KLF11: variants seen among roughly 807,000 people sequenced by gnomAD.
KLF11 encodes Krueppel-like factor 11.
KLF11 carries 26 observed loss-of-function variants against 29.9 expected under a neutral mutation model. The observed-to-expected ratio is 0.87, with a 90% CI of 0.64 to 1.21. KLF11 has a LOEUF of 1.21. Among genes scored for constraint, KLF11 ranks in the 50% most tolerant of loss-of-function variants. The pLI is 0.00. For synonymous variants in KLF11, 318 were observed against 257.4 expected (o/e 1.24, Z -2.25); for missense variants, 778 against 665.7 (o/e 1.17, Z -1.86).
rs1041703621 is a variant in KLF11, at chr2:10,051,878, T to G, written c.1259-349T>G. ...TGGTAAAGATTGGGTTTTACTTTGTTGCCCAGGCTAGTCTGGAACTCCTGT... is the reference window on the plus strand; with the variant it reads ...TGGTAAAGATTGGGTTTTACTTTGTGGCCCAGGCTAGTCTGGAACTCCTGT... On this transcript the variant is annotated intron_variant, in intron 3 of 3. Transcript: ENST00000305883. Among the ~76,000 whole-genome samples the G allele has an allele frequency of 4.6e-5, 7 of 152,338 alleles. 1 individual carries two copies. The highest frequency in any genetic ancestry group is 1.7e-4 in the African/African-American group (7 of 41,572).
Position 10,053,627 on chromosome 2 carries a change from A to G in KLF11, c.*1120A>G. 2.6e-6 allele frequency: 1 copy of G among 391,166 alleles called. No individual in the cohort carries two copies. Among genetic ancestry groups the G allele is most frequent in the Non-Finnish European group, 4.5e-6 (1 of 221,564 alleles). The allele number at this position is 391,166 out of a possible 1,614,324, so 24.2% of individuals were successfully genotyped here. ...GCAAGTTACGCTAAATGGCAGTAATACTACCCAACTGCCTTTCTGTTCATT... is the reference window on the plus strand; with the variant it reads ...GCAAGTTACGCTAAATGGCAGTAATGCTACCCAACTGCCTTTCTGTTCATT... On this transcript the variant is annotated 3_prime_UTR_variant, in exon 4 of 4. Coordinates refer to ENST00000305883, the MANE Select transcript of KLF11 (RefSeq NM_003597.5).
chr2:10,048,739 C>T (rs995461990), intron 3 of KLF11, 144 bp downstream of exon 3: 9 of 719,116 alleles, frequency 1.3e-5, no homozygotes, highest in African/African-American at 8.7e-5. Flanking sequence ...CTGAAAAGCC[C>T]GCACAACCTT....
Position 10,046,197 on chromosome 2 carries a change from T to C in KLF11, c.90T>C (p.His30=), listed in dbSNP as rs146577005. The C allele has an allele frequency of 3.7e-6, 6 of 1,614,044 alleles. No homozygotes were observed. Among genetic ancestry groups the C allele is most frequent in the Non-Finnish European group, 5.1e-6 (6 of 1,180,044 alleles). Residue 30 remains histidine (H), a synonymous_variant, in exon 2 of 4, where the codon CAT becomes CAC. Coordinates refer to ENST00000305883, the MANE Select transcript of KLF11 (RefSeq NM_003597.5). ...ICESILERKR[H]DSERSTCSIL... The stretch of plus-strand genomic sequence containing the variant: ...AGTCCATCCTGGAGAGGAAGCGGCA[T>C]GACAGCGAAAGGTCTACTTGCAGCA...
intron 3 of KLF11, among the ~76,000 whole-genome samples, chr2:10,050,093 C>A (rs1004031306): frequency 1.3e-5 from 2 of 152,336 alleles, no homozygotes; most frequent in South Asian, 4.1e-4. Context: ...CAAGTTGCTT[C>A]CATGTTTCCT....
Position 10,048,498 on chromosome 2 carries a change from CT to C in KLF11, c.1165del (p.Ser389ProfsTer81), listed in dbSNP as rs1553313748. 1 of 1,613,822 alleles carries C rather than the reference CT, an allele frequency of 6.2e-7. No individual in the cohort carries two copies. Among genetic ancestry groups the C allele is most frequent in the East Asian group, 2.2e-5 (1 of 44,886 alleles). ...GCCAAAACTGTGTCCCTCAGGTAGACTTTTCCCGAAGGAGGAACTATGTATG... is the reference window on the plus strand; with the variant it reads ...GCCAAAACTGTGTCCCTCAGGTAGACTTTCCCGAAGGAGGAACTATGTATG... ...SSQNCVPQVD[F>X]SRRRNYVCSF... is the part of the protein sequence containing the mutation. On this transcript the variant is annotated frameshift_variant, in exon 3 of 4. Transcript: ENST00000305883. LOFTEE classifies it high-confidence loss of function.
intron 3 of KLF11, among the ~76,000 whole-genome samples, chr2:10,048,868 C>T (rs553168975): frequency 2.0e-5 from 3 of 148,812 alleles, no homozygotes; most frequent in Non-Finnish European, 4.4e-5. Context: ...GAGTGACTTA[C>T]AGTGCCCCCT....
intron 1 of KLF11, among the ~76,000 whole-genome samples, chr2:10,044,661 T>TA (rs1661124890): frequency 6.6e-6 from 1 of 151,116 alleles, no homozygotes; most frequent in African/African-American, 2.4e-5. Flanking sequence ...TTTTTTTTTT[T>TA]TTGATAGGGA....
rs1026529156 is a variant in KLF11 at position 10,043,751 on chromosome 2, C to T, written c.35C>T (p.Ala12Val). The T allele has an allele frequency of 1.4e-6, 2 of 1,382,584 alleles. No homozygotes were observed. Among genetic ancestry groups the T allele is most frequent in the Admixed American group, 2.3e-5 (1 of 43,106 alleles). The allele number at this position is 1,382,584 out of a possible 1,614,324, so 85.6% of individuals were successfully genotyped here. ...CCGGACTTCGCAGGCCCAGACGACG[C>T]GCGCGCAGTGAGTGGTGGGGCTGCC... ...HTPDFAGPDDARAVDIMDICE... is the reference protein window; with the variant it reads ...HTPDFAGPDDVRAVDIMDICE... Residue 12 changes from alanine (A) to valine (V), a missense_variant, in exon 1 of 4, where the codon GCG becomes GTG. By Grantham distance (64) the Ala-to-Val change is moderately conservative. Transcript: ENST00000305883.
intron 2 of KLF11, 73 bp from the exon 3 acceptor site, chr2:10,047,577 T>C: frequency 8.1e-7 from 1 of 1,240,766 alleles, no homozygotes. Context: ...GTAAAGGTAT[T>C]GGGAGCATTG....
At chr2:10,044,540 C>G in intron 1 of KLF11, 1 of 717,934 alleles carries the variant, frequency 1.4e-6, no homozygotes, top group Non-Finnish European at 1.7e-6. Context: ...TTGAGGTGGC[C>G]TCGTCTTGTT....
At chr2:10,050,148 C>T (rs767214682) in intron 3 of KLF11, among the ~76,000 whole-genome samples, 2 of 152,218 alleles carry the variant, frequency 1.3e-5, no homozygotes, top group Non-Finnish European at 2.9e-5. Context: ...GGGGCTCACG[C>T]CTGTCATCCC....
chr2:10,048,537 T>G lies in KLF11; in HGVS notation c.1200T>G (p.Gly400=), dbSNP rs201561310. 1 of 1,611,218 alleles carries G rather than the reference T, an allele frequency of 6.2e-7. No homozygotes were observed. The highest frequency in any genetic ancestry group is 8.5e-7 in the Non-Finnish European group (1 of 1,180,028). ...RRRNYVCSFP[G]CRKTYFKSSH... is the part of the protein sequence containing the mutation. ...GGAACTATGTATGCAGCTTCCCAGG[T>G]TGCCGGAAGACCTACTTCAAAAGTT... The change falls in exon 3 of 4, where the codon GGT becomes GGG. Residue 400 remains glycine (G), a synonymous_variant. Transcript: ENST00000305883.
In KLF11 at chr2:10,053,339, GT is replaced by G. The variant is rs1661464748; in HGVS notation, c.*835del. On this transcript the variant is annotated 3_prime_UTR_variant, in exon 4 of 4. Transcript: ENST00000305883. ...GGCTCTGCTGAAAGCAAGCCATTCA[GT>G]TTCTTGTTTGTACCTAAAACACCAA... is the stretch of plus-strand genomic sequence containing the variant. 2.5e-6 allele frequency: 1 copy of G among 398,512 alleles called. No individual in the cohort carries two copies. Among genetic ancestry groups the G allele is most frequent in the Non-Finnish European group, 4.4e-6 (1 of 226,080 alleles). 24.7% of individuals were successfully genotyped at this position (398,512 alleles called of 1,614,324 possible). A position where few individuals can be genotyped will look rare whatever the true frequency, so the allele number is the denominator to read the frequency against.
chr2:10,044,007 C>T (rs1167680296), intron 1 of KLF11: 2 of 757,250 alleles, frequency 2.6e-6, no homozygotes, highest in Non-Finnish European at 3.2e-6. Flanking sequence ...GCTTCCTGGG[C>T]GGCCCCGCCC....
chr2:10,043,866 G>A (rs1661075021), intron 1 of KLF11, 108 bp downstream of exon 1: 3 of 1,129,298 alleles, frequency 2.7e-6, no homozygotes, highest in Non-Finnish European at 3.3e-6. Context: ...GGGGCGTGCA[G>A]GGCTTCGCTG....
intron 3 of KLF11, among the ~76,000 whole-genome samples, chr2:10,051,748 A>C (rs1312453813): frequency 1.5e-5 from 2 of 136,246 alleles, no homozygotes; most frequent in African/African-American, 5.6e-5. Context: ...CGGTCTTCTG[A>C]CTTTGTGATC....
chr2:10,052,696 T>C lies in KLF11; in HGVS notation c.*189T>C. ...CACTTGGGACCCTGTTCAGTATCTTTTGTAGTTTCAGAAGTTTTTTTGTTT... is the reference window on the plus strand; with the variant it reads ...CACTTGGGACCCTGTTCAGTATCTTCTGTAGTTTCAGAAGTTTTTTTGTTT... On this transcript the variant is annotated 3_prime_UTR_variant, in exon 4 of 4. Transcript: ENST00000305883. 3.8e-6 allele frequency: 2 copies of C among 530,030 alleles called. No homozygotes were observed. The highest frequency in any genetic ancestry group is 6.5e-6 in the Non-Finnish European group (2 of 308,100). 32.8% of individuals were successfully genotyped at this position (530,030 alleles called of 1,614,324 possible).
rs1003664389 is a variant in KLF11 at position 10,052,452 on chromosome 2, T to C, written c.1484T>C (p.Ile495Thr). 3.1e-6 allele frequency: 5 copies of C among 1,613,898 alleles called. No individual in the cohort carries two copies. Among genetic ancestry groups the C allele is most frequent in the African/African-American group, 1.3e-5 (1 of 74,874 alleles). Residue 495 changes from isoleucine (I) to threonine (T), a missense_variant, in exon 4 of 4, where the codon ATC becomes ACC. Ile to Thr is a moderately conservative substitution (Grantham distance 89). Transcript: ENST00000305883. ...WQAEVGKLNR[I>T]ASAESPGSPL... ...GCAGAGGTTGGCAAGCTGAACAGAATCGCCTCTGCAGAGAGCCCGGGGAGC... is the reference window on the plus strand; with the variant it reads ...GCAGAGGTTGGCAAGCTGAACAGAACCGCCTCTGCAGAGAGCCCGGGGAGC...
At chr2:10,051,539 G>C (rs1413877470) in intron 3 of KLF11, among the ~76,000 whole-genome samples, 1 of 144,512 alleles carries the variant, frequency 6.9e-6, no homozygotes, top group South Asian at 2.2e-4. Context: ...AATTTTTTGA[G>C]ACGGAGTCTC....
Sources: allele counts gnomAD v4.1 joint callset (sites outside exome capture counted in the v4.1 genomes callset), GRCh38; gene constraint gnomAD v4.1.1; transcripts MANE v1.5; gene names NCBI Gene and HGNC (gene_info 2026-07-23, HGNC 2026-07-21).